The following SCUBE2 variants were observed in gnomAD, a reference collection of about 807,000 sequenced individuals.
SCUBE2 encodes signal peptide, CUB and EGF-like domain-containing protein 2.
SCUBE2 carries 114 observed loss-of-function variants against 125.9 expected under a neutral mutation model. The ratio of observed to expected loss-of-function variants is 0.91; its 90% CI spans 0.78 to 1.06. The LOEUF (loss-of-function observed/expected upper bound fraction) is 1.06, where lower values mean the gene tolerates loss of function less well. Ranked by LOEUF, SCUBE2 falls within the 50% of genes least tolerant of loss-of-function variation. The pLI is 0.00. For synonymous variants in SCUBE2, 459 were observed against 492.9 expected (o/e 0.93, Z 0.91); for missense variants, 1,255 against 1,301.8 (o/e 0.96, Z 0.55).
Position 9,047,994 on chromosome 11 carries a change from T to C in SCUBE2, c.1744A>G (p.Met582Val), listed in dbSNP as rs1193236605. Residue 582 changes from methionine (M) to valine (V), a missense_variant, in exon 15 of 23, where the codon ATG becomes GTG. By Grantham distance (21) the Met-to-Val change is conservative. Coordinates refer to ENST00000649792, the MANE Select transcript of SCUBE2 (RefSeq NM_001367977.2). ...AGCTCAAACTCAACAGTGATAAACA[T>C]TTCCTTAGGGGTGCTTGGTCGGCCA... is the stretch of plus-strand genomic sequence containing the variant. ...APGRPSTPKE[M>V]FITVEFELET... is the part of the protein sequence containing the mutation. The C allele has an allele frequency of 6.2e-7, 1 of 1,614,120 alleles. No homozygotes were observed. Among genetic ancestry groups the C allele is most frequent in the Non-Finnish European group, 8.5e-7 (1 of 1,180,014 alleles).
chr11:9,068,049 C>T (rs1267661150), intron 5 of SCUBE2, among the ~76,000 whole-genome samples: 1 of 152,140 alleles, frequency 6.6e-6, no homozygotes, highest in Non-Finnish European at 1.5e-5. Context: ...AAGAGCATGT[C>T]AGAACCTGTT....
At chr11:9,073,958 A>C (rs1342028247) in intron 4 of SCUBE2, among the ~76,000 whole-genome samples, 1 of 152,224 alleles carries the variant, frequency 6.6e-6, no homozygotes, top group Non-Finnish European at 1.5e-5. Context: ...AAACCACAGC[A>C]CGGAAAGTCC....
chr11:9,031,813 C>T (rs1435028023), intron 17 of SCUBE2, among the ~76,000 whole-genome samples: 1 of 152,198 alleles, frequency 6.6e-6, no homozygotes. Flanking sequence ...TGCTATCTAT[C>T]TCTTATATTC....
chr11:9,028,212 TC>T (rs202174694), intron 19 of SCUBE2, among the ~76,000 whole-genome samples: 14,756 of 119,416 alleles, frequency 0.12, 864 homozygotes, highest in African/African-American at 0.19. Flanking sequence ...TTTTTTTTCC[TC>T]ATTTTTTTTT....
chr11:9,050,275 C>G (rs1858212843), intron 14 of SCUBE2: 3 of 209,854 alleles, frequency 1.4e-5, no homozygotes, highest in Non-Finnish European at 9.4e-6. Context: ...AATCTGAGAT[C>G]TAGAAAATTT....
chr11:9,089,748 G>A lies in SCUBE2; in HGVS notation c.215C>T (p.Ser72Phe). The change falls in exon 2 of 23, where the codon TCC becomes TTC. Residue 72 changes from serine (S) to phenylalanine (F), a missense_variant. Coordinates refer to ENST00000649792, the MANE Select transcript of SCUBE2 (RefSeq NM_001367977.2). ...CQNTPTSYKC[S>F]CKPGYQGEGR... ...TTCCCCTTGGTAGCCAGGCTTGCAG[G>A]AGCACTTGTAGGAGGTGGGTGTGTT... 3 of 1,613,924 alleles carry A rather than the reference G, an allele frequency of 1.9e-6. No homozygotes were observed. The highest frequency in any genetic ancestry group is 1.1e-5 in the South Asian group (1 of 91,058).
intron 14 of SCUBE2, 141 bp downstream of exon 14, chr11:9,050,465 G>C (rs868707146): frequency 3.3e-5 from 22 of 666,486 alleles, no homozygotes; most frequent in Non-Finnish European, 5.9e-5. Flanking sequence ...GTCCCTGGAA[G>C]TTGGGGATGG....
intron 3 of SCUBE2, among the ~76,000 whole-genome samples, chr11:9,078,077 C>A (rs1457879080): frequency 6.6e-6 from 1 of 152,150 alleles, no homozygotes. Flanking sequence ...AGGGAAATTT[C>A]CCCCTGAAAA....
In SCUBE2 at chr11:9,059,401, T is replaced by C. The variant is rs1338019622; in HGVS notation, c.992A>G (p.Asn331Ser). 1 of 1,614,086 alleles carries C rather than the reference T, an allele frequency of 6.2e-7. No homozygotes were observed. The highest frequency in any genetic ancestry group is 8.5e-7 in the Non-Finnish European group (1 of 1,180,038). Residue 331 changes from asparagine (N) to serine (S), a missense_variant, in exon 9 of 23, where the codon AAT (asparagine) becomes AGT (serine). Transcript: ENST00000649792. Reference protein sequence around the residue: ...CKDIDECQTRNGGCDHFCKNI... With the variant: ...CKDIDECQTRSGGCDHFCKNI... ...TTTGCAGAAATGATCACAACCTCCATTGCGGGTCTGGCACTCATCAATATC... is the reference window on the plus strand; with the variant it reads ...TTTGCAGAAATGATCACAACCTCCACTGCGGGTCTGGCACTCATCAATATC...
Position 9,025,668 on chromosome 11 carries a change from G to A in SCUBE2, c.2854+34C>T, listed in dbSNP as rs749247098. 3.1e-6 allele frequency: 5 copies of A among 1,611,946 alleles called. No individual in the cohort carries two copies. In the African/African-American group the frequency reaches 6.7e-5, roughly 22 times the overall value. On this transcript the variant is annotated intron_variant, in intron 21 of 22. Transcript: ENST00000649792. ...CGAAGTTGGCTCTGTTCAAAGCAGAGACGCTCTTTCCATGTGCTGCAGGCT... is the reference window on the plus strand; with the variant it reads ...CGAAGTTGGCTCTGTTCAAAGCAGAAACGCTCTTTCCATGTGCTGCAGGCT...
chr11:9,072,539 A>G (rs986769799), intron 4 of SCUBE2, among the ~76,000 whole-genome samples: 1 of 152,196 alleles, frequency 6.6e-6, no homozygotes, highest in African/African-American at 2.4e-5. Context: ...ACAGTTTCAT[A>G]GAGTTTAATG....
chr11:9,065,662 G>A (rs926249556), intron 7 of SCUBE2, among the ~76,000 whole-genome samples: 2 of 152,114 alleles, frequency 1.3e-5, no homozygotes, highest in Non-Finnish European at 2.9e-5. Flanking sequence ...GGCTGCATTG[G>A]GACGTTAACC....
At position 9,053,103 on chromosome 11, in the gene SCUBE2, A is replaced by G. The variant is rs1566204365; in HGVS notation, c.1443T>C (p.Ser481=). Reference sequence around the variant, plus strand: ...CGGGAACTGGGCCCCACTCACCTGAAGAGAGGTGAATGCCAGAGTGACATC... The same window carrying G: ...CGGGAACTGGGCCCCACTCACCTGAGGAGAGGTGAATGCCAGAGTGACATC... ...FLRCHSGIHL[S]SGLQGAYSVT... Residue 481 remains serine (S), a synonymous_variant, in exon 12 of 23, where the codon TCT becomes TCC. Transcript: ENST00000649792. The G allele has an allele frequency of 6.2e-7, 1 of 1,611,900 alleles. No homozygotes were observed. Among genetic ancestry groups the G allele is most frequent in the African/African-American group, 1.3e-5 (1 of 75,030 alleles).
chr11:9,038,125 A>AGG (rs1223921809), intron 16 of SCUBE2, among the ~76,000 whole-genome samples: 1 of 151,472 alleles, frequency 6.6e-6, no homozygotes, highest in African/African-American at 2.4e-5. Flanking sequence ...AGCAGAGAAG[A>AGG]GACATGACCC....
At position 9,061,266 on chromosome 11, in the gene SCUBE2, G is replaced by T. The variant is rs540746784; in HGVS notation, c.851-742C>A. ...CTACCTCACTTTAAAGGCTGGGGGT[G>T]GGGGGTGGTGGCGAGGGTGGTGGCT... On this transcript the variant is annotated intron_variant, in intron 7 of 22. Coordinates refer to ENST00000649792, the MANE Select transcript of SCUBE2 (RefSeq NM_001367977.2). 1.4e-3 allele frequency among the ~76,000 whole-genome samples: 207 copies of T among 152,208 alleles called. 1 individual carries two copies. The highest frequency in any genetic ancestry group is 4.7e-3 in the African/African-American group (195 of 41,554).
At chr11:9,040,225 A>G (rs1857091802) in intron 16 of SCUBE2, among the ~76,000 whole-genome samples, 1 of 152,230 alleles carries the variant, frequency 6.6e-6, no homozygotes, top group Non-Finnish European at 1.5e-5. Context: ...GTGCTTATTC[A>G]TGATAAAGTT....
At chr11:9,046,137 G>T (rs1857726449) in intron 16 of SCUBE2, among the ~76,000 whole-genome samples, 1 of 151,050 alleles carries the variant, frequency 6.6e-6, no homozygotes, top group Non-Finnish European at 1.5e-5. Context: ...CTCCCGAATA[G>T]CTGGGAGTAT....
chr11:9,035,697 T>G (rs1248241989), intron 16 of SCUBE2, among the ~76,000 whole-genome samples: 2 of 152,166 alleles, frequency 1.3e-5, no homozygotes, highest in African/African-American at 4.8e-5. Context: ...CTTTTCATTA[T>G]TCATTCCAAA....
intron 8 of SCUBE2, 100 bp from the exon 9 acceptor site, chr11:9,059,525 T>A: frequency 7.2e-7 from 1 of 1,384,932 alleles, no homozygotes; most frequent in Admixed American, 2.3e-5. Context: ...TCTCTGAAAT[T>A]AAGAAAAAGA....
Sources: gnomAD v4.1 joint callset for allele counts (sites outside exome capture counted in the v4.1 genomes callset) on GRCh38, gnomAD v4.1.1 for gene constraint, MANE v1.5 for transcripts, NCBI Gene and HGNC (gene_info 2026-07-23, HGNC 2026-07-21) for gene names.